Variants in OSBPL10 observed in about 807,000 individuals in gnomAD.
OSBPL10 encodes oxysterol-binding protein-related protein 10.
A neutral mutation model predicts 81.7 loss-of-function variants in OSBPL10; 49 were observed. That is an observed-to-expected ratio of 0.60 (90% CI 0.48 to 0.76). The LOEUF (loss-of-function observed/expected upper bound fraction) is 0.76, where lower values mean the gene tolerates loss of function less well. Among genes scored for constraint, OSBPL10 ranks in the 30% least tolerant of loss-of-function variants. The pLI is 0.00. For missense variants in OSBPL10, 923 were observed against 987.8 expected (o/e 0.93, Z 0.88); for synonymous variants, 419 against 383.6 (o/e 1.09, Z -1.08).
chr3:31,977,314 C>A (rs111848634), intron 1 of OSBPL10, among the ~76,000 whole-genome samples: 4 of 152,210 alleles, frequency 2.6e-5, no homozygotes, highest in African/African-American at 7.2e-5. Flanking sequence ...ACCCCCAGCC[C>A]AGGCCGCCAG....
intron 4 of OSBPL10, among the ~76,000 whole-genome samples, chr3:31,811,206 G>A (rs1003159728): frequency 2.0e-5 from 3 of 152,142 alleles, no homozygotes; most frequent in African/African-American, 7.2e-5. Context: ...GGGGATGCTG[G>A]GGGTGGGCAA....
intron 1 of OSBPL10, among the ~76,000 whole-genome samples, chr3:31,885,747 C>T (rs972810155): frequency 6.6e-6 from 1 of 150,442 alleles, no homozygotes; most frequent in Admixed American, 6.7e-5. Flanking sequence ...CTTTGGGAGT[C>T]TGAGATGGGT....
intron 6 of OSBPL10, among the ~76,000 whole-genome samples, chr3:31,725,837 C>T (rs1696790913): frequency 6.6e-6 from 1 of 152,218 alleles, no homozygotes; most frequent in Admixed American, 6.5e-5. Context: ...TGAACCTCAT[C>T]GTTCACATTC....
At chr3:32,027,285 T>A (rs1699425177) in intron 2 of OSBPL10, among the ~76,000 whole-genome samples, 1 of 152,130 alleles carries the variant, frequency 6.6e-6, no homozygotes, top group African/African-American at 2.4e-5. Context: ...CGATGTTTGG[T>A]TTATTAATCT....
At chr3:31,933,245 T>C (rs1458300634) in intron 1 of OSBPL10, among the ~76,000 whole-genome samples, 1 of 152,174 alleles carries the variant, frequency 6.6e-6, no homozygotes, top group Non-Finnish European at 1.5e-5. Flanking sequence ...TGCCATCCTT[T>C]TGGCTCAGTA....
At chr3:31,943,750 G>A (rs941364041) in intron 1 of OSBPL10, among the ~76,000 whole-genome samples, 3 of 151,894 alleles carry the variant, frequency 2.0e-5, no homozygotes, top group Non-Finnish European at 4.4e-5. Context: ...GGTGGATCAC[G>A]AGGTCAGGAG....
intron 7 of OSBPL10, among the ~76,000 whole-genome samples, chr3:31,695,254 T>C (rs1695679138): frequency 6.6e-6 from 1 of 152,206 alleles, no homozygotes; most frequent in African/African-American, 2.4e-5. Flanking sequence ...TCTATATCTG[T>C]AACACTGGAG....
At chr3:32,059,928 A>G (rs1699742604) in intron 1 of OSBPL10, among the ~76,000 whole-genome samples, 1 of 151,952 alleles carries the variant, frequency 6.6e-6, no homozygotes, top group Non-Finnish European at 1.5e-5. Context: ...AAGAAAAAAA[A>G]CAGGCTAAAT....
chr3:31,951,449 G>C (rs1185226677), intron 1 of OSBPL10, among the ~76,000 whole-genome samples: 1 of 151,902 alleles, frequency 6.6e-6, no homozygotes, highest in African/African-American at 2.4e-5. Context: ...AAGAGTTAGT[G>C]GTTACCTAAA....
chr3:31,721,751 C>T (rs1696651088), intron 6 of OSBPL10: 4 of 152,212 alleles, frequency 2.6e-5, no homozygotes, highest in African/African-American at 9.7e-5. Flanking sequence ...CAACATACTT[C>T]ATATCTACAA....
intron 4 of OSBPL10, among the ~76,000 whole-genome samples, chr3:31,773,367 CA>C (rs1575535086): frequency 6.6e-6 from 1 of 152,152 alleles, no homozygotes; most frequent in African/African-American, 2.4e-5. Flanking sequence ...TTTAAAACAG[CA>C]AAATCACCAA....
chr3:31,829,605 C>G (rs1214843082), intron 4 of OSBPL10, among the ~76,000 whole-genome samples: 3 of 152,074 alleles, frequency 2.0e-5, no homozygotes, highest in Non-Finnish European at 2.9e-5. Context: ...TGGAGTGTGT[C>G]TATGAGGGGA....
At chr3:31,834,482 G>A (rs1700322438) in intron 3 of OSBPL10, among the ~76,000 whole-genome samples, 1 of 152,202 alleles carries the variant, frequency 6.6e-6, no homozygotes, top group Non-Finnish European at 1.5e-5. Flanking sequence ...GGGAGCAGGT[G>A]AGACCAAGTG....
intron 3 of OSBPL10, among the ~76,000 whole-genome samples, chr3:31,854,140 G>GTTT (rs34484240): frequency 8.2e-5 from 12 of 146,422 alleles, no homozygotes; most frequent in Non-Finnish European, 1.0e-4. Flanking sequence ...TCTCAGTAAA[G>GTTT]TTTTTTTTTT....
In OSBPL10 at chr3:31,662,719, G is replaced by A. The variant is rs1216234701; in HGVS notation, c.2251-603C>T. ...ACATGTTCCCAGCCCTTCTGTTATG[G>A]GCATACTGGCTTTTCTTAAACTCAG... On this transcript the variant is annotated intron_variant, in intron 11 of 11. Transcript: ENST00000396556. 3 of 985,240 alleles carry A rather than the reference G, an allele frequency of 3.0e-6. No individual in the cohort carries two copies. In the African/African-American group the frequency reaches 5.2e-5, roughly 17 times the overall value. The allele number at this position is 985,240 out of a possible 1,614,324, so 61.0% of individuals were successfully genotyped here.
At chr3:31,895,546 G>C (rs1696030616) in intron 1 of OSBPL10, among the ~76,000 whole-genome samples, 2 of 152,128 alleles carry the variant, frequency 1.3e-5, no homozygotes, top group African/African-American at 4.8e-5. Flanking sequence ...TCCTCAGGTG[G>C]TTACAATTGC....
chr3:31,758,913 T>C (rs1575525916), intron 4 of OSBPL10, among the ~76,000 whole-genome samples: 1 of 152,210 alleles, frequency 6.6e-6, no homozygotes, highest in African/African-American at 2.4e-5. Flanking sequence ...AGACTATGCT[T>C]CCCAGCCTGT....
intron 1 of OSBPL10, among the ~76,000 whole-genome samples, chr3:32,059,018 G>C (rs1367569402): frequency 6.6e-6 from 1 of 152,194 alleles, no homozygotes; most frequent in Non-Finnish European, 1.5e-5. Flanking sequence ...GGCTAGGCTG[G>C]CCGGGTGTGG....
intron 2 of OSBPL10, among the ~76,000 whole-genome samples, chr3:32,044,852 G>T (rs1699608880): frequency 6.7e-6 from 1 of 149,874 alleles, no homozygotes; most frequent in African/African-American, 2.5e-5. Context: ...TTTGCTGAAA[G>T]AATCTTATTT....
Sources: allele counts gnomAD v4.1 joint callset (sites outside exome capture counted in the v4.1 genomes callset), GRCh38; gene constraint gnomAD v4.1.1; transcripts MANE v1.5; gene names NCBI Gene and HGNC (gene_info 2026-07-23, HGNC 2026-07-21).